Variants in MRTFA observed in about 807,000 individuals in gnomAD.
MRTFA encodes the protein myocardin-related transcription factor A.
A neutral mutation model predicts 83.5 loss-of-function variants in MRTFA; 20 were observed. The observed-to-expected ratio is 0.24, with a 90% CI of 0.17 to 0.35. The LOEUF is 0.35. Among genes scored for constraint, MRTFA ranks in the 10% least tolerant of loss-of-function variants. MRTFA has a pLI of 1.00. For missense variants in MRTFA, 1,200 were observed against 1,224.7 expected, an observed-to-expected ratio of 0.98 and a Z score of 0.30; for synonymous variants, 659 against 541.2, an observed-to-expected ratio of 1.22 and a Z score of -3.02.
intron 1 of MRTFA, among the ~76,000 whole-genome samples, chr22:40,597,151 G>A (rs977268564): frequency 3.3e-5 from 5 of 151,988 alleles, no homozygotes; most frequent in East Asian, 1.9e-4. Context: ...TTTGTATCTC[G>A]CAAGACCTAG....
chr22:40,586,861 C>A, intron 2 of MRTFA: 1 of 413,344 alleles, frequency 2.4e-6, no homozygotes. Context: ...CTGCAACCCC[C>A]TTTCTCATCT....
At chr22:40,480,267 T>C (rs2054065544) in intron 3 of MRTFA, among the ~76,000 whole-genome samples, 1 of 151,536 alleles carries the variant, frequency 6.6e-6, no homozygotes, top group Non-Finnish European at 1.5e-5. Flanking sequence ...CAGTTCTCTG[T>C]ATGTTTATTT....
intron 4 of MRTFA, among the ~76,000 whole-genome samples, chr22:40,451,933 C>T (rs2053495599): frequency 1.3e-5 from 2 of 150,114 alleles, no homozygotes; most frequent in South Asian, 4.2e-4. Flanking sequence ...CCTGTGCCCT[C>T]CTGCAAATAA....
chr22:40,624,500 G>C (rs2056559185), intron 1 of MRTFA, among the ~76,000 whole-genome samples: 1 of 150,482 alleles, frequency 6.6e-6, no homozygotes, highest in East Asian at 2.0e-4. Flanking sequence ...GTGAGCAATA[G>C]AGCCAGGATT....
chr22:40,606,631 A>G (rs937073020), intron 1 of MRTFA, among the ~76,000 whole-genome samples: 2 of 152,194 alleles, frequency 1.3e-5, no homozygotes, highest in Non-Finnish European at 2.9e-5. Context: ...ATAATAGGTA[A>G]GTTTTTGTTT....
chr22:40,617,412 A>T (rs2056464980), intron 1 of MRTFA, among the ~76,000 whole-genome samples: 1 of 152,134 alleles, frequency 6.6e-6, no homozygotes, highest in Non-Finnish European at 1.5e-5. Flanking sequence ...CAAAAGAGAC[A>T]AAAAATGGCA....
chr22:40,518,507 A>G (rs2054799835), intron 3 of MRTFA, among the ~76,000 whole-genome samples: 1 of 151,974 alleles, frequency 6.6e-6, no homozygotes, highest in South Asian at 2.1e-4. Context: ...GAAAAAAACA[A>G]AACAGGCCAG....
chr22:40,492,538 T>C (rs771734114), intron 3 of MRTFA, among the ~76,000 whole-genome samples: 3 of 152,156 alleles, frequency 2.0e-5, no homozygotes, highest in Admixed American at 2.0e-4. Context: ...TAGTAAACAG[T>C]TGGTTTCTCT....
At chr22:40,582,084 TCCAGCCC>T (rs1185411901) in intron 2 of MRTFA, among the ~76,000 whole-genome samples, 1 of 152,202 alleles carries the variant, frequency 6.6e-6, no homozygotes, top group Non-Finnish European at 1.5e-5. Context: ...TCCCCTCTCT[TCCAGCCC>T]CCAGCAACTA....
rs1602185979 is a variant in MRTFA at position 40,411,333 on chromosome 22, A to C, written c.*57T>G. ...AGAGGCCGAATCACGCAGGAGAGCCACGCATTGGAGTACCCTGGCTCCCAG... is the reference window on the plus strand; with the variant it reads ...AGAGGCCGAATCACGCAGGAGAGCCCCGCATTGGAGTACCCTGGCTCCCAG... On this transcript the variant is annotated 3_prime_UTR_variant, in exon 15 of 15. Coordinates refer to ENST00000355630, the MANE Select transcript of MRTFA (RefSeq NM_020831.6). The C allele has an allele frequency of 1.3e-6, 2 of 1,501,838 alleles. No homozygotes were observed. The allele number at this position is 1,501,838 out of a possible 1,614,324, so 93.0% of individuals were successfully genotyped here. A position where few individuals can be genotyped will look rare whatever the true frequency, so the allele number is the denominator to read the frequency against.
At position 40,636,458 on chromosome 22, in the gene MRTFA, C is replaced by CA. The variant is rs1402699169; in HGVS notation, c.-84+19dup. ...GAGGCCGCGGTGGGGGAGGGGTCCC[C>CA]AACCCGGACTCTCACTCACCGCCTC... On this transcript the variant is annotated intron_variant, in intron 1 of 14. Coordinates refer to ENST00000355630, the MANE Select transcript of MRTFA (RefSeq NM_020831.6). The CA allele has an allele frequency of 6.6e-6, 1 of 152,226 alleles. No individual in the cohort carries two copies. Among genetic ancestry groups the CA allele is most frequent in the Non-Finnish European group, 1.5e-5 (1 of 68,040 alleles). The allele number at this position is 152,226 out of a possible 1,614,324, so 9.4% of individuals were successfully genotyped here. A position where few individuals can be genotyped will look rare whatever the true frequency, so the allele number is the denominator to read the frequency against.
chr22:40,435,101 C>T (rs554393777), intron 5 of MRTFA, among the ~76,000 whole-genome samples: 2 of 152,274 alleles, frequency 1.3e-5, no homozygotes, highest in South Asian at 2.1e-4. Context: ...AGTGTAACCC[C>T]GGACTTGGGA....
intron 3 of MRTFA, among the ~76,000 whole-genome samples, chr22:40,551,008 T>TTA (rs2055436892): frequency 6.6e-6 from 1 of 151,968 alleles, no homozygotes. Flanking sequence ...TGTGCCACCA[T>TTA]GCCTGGCTAA....
At chr22:40,549,723 T>C (rs188518394) in intron 3 of MRTFA, among the ~76,000 whole-genome samples, 208 of 152,320 alleles carry the variant, frequency 1.4e-3, no homozygotes, top group Non-Finnish European at 1.4e-3. Flanking sequence ...ACAGGAGTAC[T>C]AGTGTCTGCA....
chr22:40,615,388 A>G (rs1001368937), intron 1 of MRTFA, among the ~76,000 whole-genome samples: 3 of 152,232 alleles, frequency 2.0e-5, no homozygotes, highest in African/African-American at 7.2e-5. Flanking sequence ...GCTTTATAAC[A>G]AGTTTTGAAA....
chr22:40,445,015 C>A (rs1001307602), intron 4 of MRTFA, among the ~76,000 whole-genome samples: 1 of 152,016 alleles, frequency 6.6e-6, no homozygotes. Context: ...TGCAGTGAGC[C>A]GTGATCACAC....
At chr22:40,576,533 G>T (rs1047131785) in intron 2 of MRTFA, among the ~76,000 whole-genome samples, 1 of 152,098 alleles carries the variant, frequency 6.6e-6, no homozygotes, top group African/African-American at 2.4e-5. Context: ...TAATGCAAGG[G>T]ATTCTAAATC....
chr22:40,424,341 G>A lies in MRTFA; in HGVS notation c.642C>T (p.Ser214=). The A allele has an allele frequency of 6.2e-7, 1 of 1,613,714 alleles. No homozygotes were observed. The highest frequency in any genetic ancestry group is 1.1e-5 in the South Asian group (1 of 91,026). ...AGGCATCGCTGCTGTCCTCATCGAAGGAAGAGCTGTCTGCTACTTTGGGAT... is the reference window on the plus strand; with the variant it reads ...AGGCATCGCTGCTGTCCTCATCGAAAGAAGAGCTGTCTGCTACTTTGGGAT... Residue 214 remains serine, a synonymous_variant, in exon 8 of 15, where the codon TCC becomes TCT. Coordinates refer to ENST00000355630, the MANE Select transcript of MRTFA (RefSeq NM_020831.6).
intron 4 of MRTFA, among the ~76,000 whole-genome samples, chr22:40,450,514 G>T (rs1399863788): frequency 6.6e-6 from 1 of 151,984 alleles, no homozygotes; most frequent in Non-Finnish European, 1.5e-5. Flanking sequence ...GGAGTGCAGT[G>T]GTGCAATCTG....
Sources: allele counts gnomAD v4.1 joint callset (sites outside exome capture counted in the v4.1 genomes callset), GRCh38; gene constraint gnomAD v4.1.1; transcripts MANE v1.5; gene names NCBI Gene and HGNC (gene_info 2026-07-23, HGNC 2026-07-21).